NFATC3: variants seen among roughly 807,000 people sequenced by gnomAD.
NFATC3 encodes nuclear factor of activated T-cells, cytoplasmic 3.
Under a neutral mutation model 98.6 loss-of-function variants are expected in NFATC3, and 46 were observed. The ratio of observed to expected loss-of-function variants is 0.47; its 90% confidence interval spans 0.37 to 0.60. The LOEUF (loss-of-function observed/expected upper bound fraction) is 0.60. NFATC3 is among the 20% of genes least tolerant of loss of function. The pLI is 0.00. For missense variants in NFATC3, 1,256 were observed against 1,295.5 expected (o/e 0.97, Z 0.47); for synonymous variants, 512 against 472.2 (o/e 1.08, Z -1.09).
chr16:68,153,645 G>A (rs771724904), intron 3 of NFATC3, among the ~76,000 whole-genome samples: 1 of 151,842 alleles, frequency 6.6e-6, no homozygotes, highest in East Asian at 1.9e-4. Context: ...ACAGAGTCTC[G>A]CTCTGTCGCC....
In NFATC3 at chr16:68,196,470, G is replaced by A. The variant is rs929828837; in HGVS notation, c.3106+4695G>A. ...ATTTGACTCATTTATTATGATATTT[G>A]GATTTGCCTTTGAAGGTAGAATTTT... is the stretch of plus-strand genomic sequence containing the variant. On this transcript the variant is annotated intron_variant, in intron 9 of 9. Transcript: ENST00000346183. 5.5e-4 allele frequency among the ~76,000 whole-genome samples: 84 copies of A among 152,098 alleles called. 1 individual carries two copies. The highest frequency in any genetic ancestry group is 2.5e-4 in the Non-Finnish European group (17 of 68,020).
chr16:68,180,966 T>C (rs952834982), intron 6 of NFATC3, among the ~76,000 whole-genome samples: 2 of 152,324 alleles, frequency 1.3e-5, no homozygotes, highest in South Asian at 2.1e-4. Context: ...AATAAACATA[T>C]GTGTGCATGT....
At chr16:68,111,356 G>C (rs1414630301) in intron 1 of NFATC3, among the ~76,000 whole-genome samples, 1 of 152,172 alleles carries the variant, frequency 6.6e-6, no homozygotes, top group Non-Finnish European at 1.5e-5. Context: ...TTGTTGAATT[G>C]AACCCTTTAC....
At chr16:68,123,422 A>C (rs2036653504) in intron 2 of NFATC3, among the ~76,000 whole-genome samples, 1 of 150,394 alleles carries the variant, frequency 6.6e-6, no homozygotes. Context: ...AACACTTGGG[A>C]GGCTGAGGCA....
At chr16:68,187,259 C>G (rs1046108856) in intron 8 of NFATC3, among the ~76,000 whole-genome samples, 6 of 152,182 alleles carry the variant, frequency 3.9e-5, no homozygotes, top group Non-Finnish European at 7.3e-5. Flanking sequence ...CTTGAGATGC[C>G]AGGAACCTCA....
chr16:68,189,005 G>A (rs2040328538), intron 8 of NFATC3, among the ~76,000 whole-genome samples: 1 of 152,162 alleles, frequency 6.6e-6, no homozygotes, highest in African/African-American at 2.4e-5. Context: ...ACTGCGCCCA[G>A]CCCCAACTTC....
chr16:68,112,060 T>G (rs1041253158), intron 1 of NFATC3, among the ~76,000 whole-genome samples: 26 of 152,092 alleles, frequency 1.7e-4, no homozygotes, highest in African/African-American at 6.3e-4. Context: ...TTTTCCTTCA[T>G]TTCAACCTTG....
chr16:68,177,388 C>G (rs1351122856), intron 6 of NFATC3, among the ~76,000 whole-genome samples: 1 of 152,132 alleles, frequency 6.6e-6, no homozygotes, highest in East Asian at 1.9e-4. Context: ...TTCCTTTCCC[C>G]TACATTTTCA....
intron 2 of NFATC3, among the ~76,000 whole-genome samples, chr16:68,125,953 C>T (rs980202922): frequency 2.6e-5 from 4 of 151,912 alleles, no homozygotes; most frequent in South Asian, 2.1e-4. Flanking sequence ...AGTGCAGTGG[C>T]GCAATCTTGG....
At chr16:68,092,182 G>A (rs1168814171) in intron 1 of NFATC3, among the ~76,000 whole-genome samples, 2 of 152,246 alleles carry the variant, frequency 1.3e-5, no homozygotes, top group South Asian at 2.1e-4. Flanking sequence ...GGCTGGGCGC[G>A]GTGGCTCTCA....
In NFATC3 at chr16:68,224,049, G is replaced by A. The variant is rs888231003; in HGVS notation, c.3107-2301G>A. On this transcript the variant is annotated intron_variant, in intron 9 of 9. Transcript: ENST00000346183. ...ATCATGAGGACAGGAGATCGAGACC[G>A]TCCTGGCTAACATGGTGAAACCCCG... is the stretch of plus-strand genomic sequence containing the variant. Among the ~76,000 whole-genome samples the A allele has an allele frequency of 5.4e-5, 8 of 147,892 alleles. No individual in the cohort carries two copies. In the South Asian group the frequency reaches 1.1e-3, roughly 20 times the overall value.
At chr16:68,184,861 A>C (rs950716595) in intron 8 of NFATC3, among the ~76,000 whole-genome samples, 2 of 152,152 alleles carry the variant, frequency 1.3e-5, no homozygotes, top group African/African-American at 4.8e-5. Flanking sequence ...GTTTTTGTAA[A>C]GAGAGAGAAA....
chr16:68,213,591 G>A (rs1350328593), intron 9 of NFATC3, among the ~76,000 whole-genome samples: 1 of 152,100 alleles, frequency 6.6e-6, no homozygotes, highest in Non-Finnish European at 1.5e-5. Context: ...ACTTTGGGAG[G>A]CCTAGGCGGG....
At chr16:68,183,729 C>T (rs955230671) in intron 8 of NFATC3, among the ~76,000 whole-genome samples, 5 of 152,038 alleles carry the variant, frequency 3.3e-5, no homozygotes, top group East Asian at 3.9e-4. Context: ...TGTGGCCAGG[C>T]GCAGTGGCTC....
At chr16:68,110,252 G>GC (rs751038013) in intron 1 of NFATC3, among the ~76,000 whole-genome samples, 4 of 151,462 alleles carry the variant, frequency 2.6e-5, no homozygotes, top group Non-Finnish European at 5.9e-5. Flanking sequence ...TGATCTGCCT[G>GC]CCTTGGCCTC....
At chr16:68,131,816 C>T (rs1315920515) in intron 3 of NFATC3, among the ~76,000 whole-genome samples, 1 of 152,090 alleles carries the variant, frequency 6.6e-6, no homozygotes, top group Non-Finnish European at 1.5e-5. Flanking sequence ...ATGTGAGGCT[C>T]AGACCAGTCT....
Position 68,166,487 on chromosome 16 carries a change from G to T in NFATC3, c.1602-356G>T, listed in dbSNP as rs193019573. Among the ~76,000 whole-genome samples the T allele has an allele frequency of 4.6e-5, 7 of 152,238 alleles. No individual in the cohort carries two copies. The East Asian group carries it at 9.6e-4, about 21-fold the overall frequency. On this transcript the variant is annotated intron_variant, in intron 4 of 9. Coordinates refer to ENST00000346183, the MANE Select transcript of NFATC3 (RefSeq NM_173165.3). ...TTCTTCAGTGCTAGGCTCATAACTT[G>T]CATATTGTCACTTGGCCACACTCCA...
In NFATC3 at chr16:68,166,910, A is replaced by G. The variant is rs973212432; in HGVS notation, c.1669A>G (p.Ile557Val). 4.3e-6 allele frequency: 7 copies of G among 1,614,048 alleles called. No individual in the cohort carries two copies. The African/African-American group carries it at 9.3e-5, about 22-fold the overall frequency. Residue 557 changes from isoleucine to valine, a missense_variant, in exon 5 of 10, where the codon ATT becomes GTT. Ile to Val is a conservative substitution (Grantham distance 29). Transcript: ENST00000346183. ...AGAACTTCGAAAAGGAGAAACTGAT[A>G]TTGGCAGAAAGAATACTAGAGTACG... ...DIELRKGETD[I>V]GRKNTRVRLV...
rs1337086135 is a variant in NFATC3, at chr16:68,166,934, C to T, written c.1693C>T (p.Arg565Ter). 3.1e-6 allele frequency: 5 copies of T among 1,614,066 alleles called. No individual in the cohort carries two copies. Among genetic ancestry groups the T allele is most frequent in the East Asian group, 2.2e-5 (1 of 44,880 alleles). The change falls in exon 5 of 10, where the codon CGA becomes TGA. Residue 565 changes from arginine (R) to a stop codon, truncating the protein, a stop_gained. Transcript: ENST00000346183. LOFTEE classifies it high-confidence loss of function. ...TDIGRKNTRV[R>*]LVFRVHIPQP... ...TATTGGCAGAAAGAATACTAGAGTA[C>T]GACTTGTGTTTCGTGTACACATCCC...
Sources: gnomAD v4.1 joint callset for allele counts (sites outside exome capture counted in the v4.1 genomes callset) on GRCh38, gnomAD v4.1.1 for gene constraint, MANE v1.5 for transcripts, NCBI Gene and HGNC (gene_info 2026-07-23, HGNC 2026-07-21) for gene names.